Variants in GALK2 observed in about 807,000 individuals in gnomAD.
The protein encoded by GALK2 is galactokinase 2.
GALK2 carries 36 observed loss-of-function variants against 52.4 expected under a neutral mutation model. The observed-to-expected ratio is 0.69, with a 90% CI of 0.53 to 0.91. The LOEUF is 0.91. Among genes scored for constraint, GALK2 ranks in the 40% least tolerant of loss-of-function variants. GALK2 has a pLI of 0.00. For synonymous variants in GALK2, 176 were observed against 199.1 expected (o/e 0.88, Z 0.98); for missense variants, 579 against 559.1 (o/e 1.04, Z -0.36).
At chr15:49,217,115 C>T in intron 2 of GALK2, 75 bp from the exon 3 acceptor site, 17 of 1,342,372 alleles carry the variant, frequency 1.3e-5, no homozygotes, top group South Asian at 4.2e-5. Flanking sequence ...CAGTTTTTTC[C>T]TGTATGTAAA....
At chr15:49,253,849 T>G (rs77516875) in intron 5 of GALK2, among the ~76,000 whole-genome samples, 9,996 of 143,704 alleles carry the variant, frequency 0.07, 1,555 homozygotes, top group African/African-American at 0.16. Context: ...AGCATCATCA[T>G]CATCATCATC....
chr15:49,174,295 A>G (rs2085296554), intron 1 of GALK2, among the ~76,000 whole-genome samples: 2 of 152,086 alleles, frequency 1.3e-5, no homozygotes, highest in Non-Finnish European at 2.9e-5. Context: ...GCTCCTGTCA[A>G]ATGGCCCTGC....
Position 49,354,518 on chromosome 15 carries a change from T to C in GALK2, c.427-12973T>C, listed in dbSNP as rs572749394. On this transcript the variant is annotated intron_variant, in intron 3 of 3. Coordinates refer to the GALK2 transcript ENST00000558399. ...CCTGGAAAATCGTGTCACTCCCACC[T>C]GAATACTGCACTTTTCCGACCGGCT... 5.9e-5 allele frequency among the ~76,000 whole-genome samples: 9 copies of C among 152,330 alleles called. No individual in the cohort carries two copies. In the East Asian group the frequency reaches 1.4e-3, roughly 23 times the overall value.
chr15:49,361,798 T>G (rs1289349920), intron 3 of GALK2, among the ~76,000 whole-genome samples: 1 of 152,184 alleles, frequency 6.6e-6, no homozygotes, highest in Non-Finnish European at 1.5e-5. Context: ...TAATTCTGCT[T>G]TCAGTTCTTT....
At chr15:49,194,377 A>G (rs1404844140) in intron 1 of GALK2, among the ~76,000 whole-genome samples, 1 of 152,088 alleles carries the variant, frequency 6.6e-6, no homozygotes, top group African/African-American at 2.4e-5. Flanking sequence ...CCATCATCAT[A>G]TATTAAATTT....
Position 49,319,631 on chromosome 15 carries a change from CAAAGCATGTGTACAGCGAGGCT to C in GALK2, c.996_1017del (p.Lys333ArgfsTer24). The C allele has an allele frequency of 6.2e-7, 1 of 1,614,104 alleles. No individual in the cohort carries two copies. The highest frequency in any genetic ancestry group is 1.1e-5 in the South Asian group (1 of 91,066). ...CTCATCTTCAAACTCTATCAGCGGG[CAAAGCATGTGTACAGCGAGGCT>C]GCGCGAGTGCTCCAGTTTAAGAAGA... On this transcript the variant is annotated frameshift_variant, in exon 9 of 10. Coordinates refer to ENST00000560031, the MANE Select transcript of GALK2 (RefSeq NM_002044.4). LOFTEE classifies it high-confidence loss of function.
At chr15:49,225,779 G>C (rs900410613) in intron 3 of GALK2, among the ~76,000 whole-genome samples, 1 of 152,252 alleles carries the variant, frequency 6.6e-6, no homozygotes, top group Non-Finnish European at 1.5e-5. Flanking sequence ...GCCCTGAGCT[G>C]TTGGGACTGG....
intron 3 of GALK2, among the ~76,000 whole-genome samples, chr15:49,228,720 G>T (rs1424394758): frequency 3.3e-4 from 18 of 54,836 alleles, no homozygotes; most frequent in Non-Finnish European, 1.5e-4. Context: ...TTGCGATGGA[G>T]TCTCAATCTG....
At chr15:49,157,376 C>A (rs1418108869) in intron 1 of GALK2, among the ~76,000 whole-genome samples, 1 of 152,094 alleles carries the variant, frequency 6.6e-6, no homozygotes, top group Non-Finnish European at 1.5e-5. Context: ...TCAATAAAAT[C>A]TAATTAAAAT....
At chr15:49,337,419 C>T (rs908949281) in intron 3 of GALK2, among the ~76,000 whole-genome samples, 4 of 147,836 alleles carry the variant, frequency 2.7e-5, no homozygotes, top group East Asian at 2.0e-4. Flanking sequence ...TTGTGGTTTT[C>T]GTTTGCATTT....
intron 3 of GALK2, among the ~76,000 whole-genome samples, chr15:49,337,511 T>A (rs1367822968): frequency 7.2e-6 from 1 of 139,196 alleles, no homozygotes; most frequent in Admixed American, 7.0e-5. Context: ...TTACCCACTT[T>A]TTTTTTTTTT....
chr15:49,242,423 G>C (rs555293735), intron 5 of GALK2, among the ~76,000 whole-genome samples: 1 of 152,292 alleles, frequency 6.6e-6, no homozygotes, highest in African/African-American at 2.4e-5. Flanking sequence ...GGGAATAGTT[G>C]AGGGGAATTT....
At chr15:49,249,794 T>G (rs1944796375) in intron 5 of GALK2, among the ~76,000 whole-genome samples, 1 of 152,214 alleles carries the variant, frequency 6.6e-6, no homozygotes, top group African/African-American at 2.4e-5. Flanking sequence ...CTCCCACAAT[T>G]TAGCCTAAAT....
At position 49,201,170 on chromosome 15, in the gene GALK2, A is replaced by G. The variant is rs1256708797; in HGVS notation, c.62A>G (p.Lys21Arg). ...TGTACTTTTATTTTCAGGTTACTGA[A>G]GCTAAAGGAGATGTTTAACTCCAAG... is the stretch of plus-strand genomic sequence containing the variant. ...VQVAEHPRLL[K>R]LKEMFNSKFG... is the part of the protein sequence containing the mutation. The change falls in exon 2 of 10, where the codon AAG (lysine) becomes AGG (arginine). Residue 21 changes from lysine to arginine, a missense_variant. Transcript: ENST00000560031. 7 of 1,592,752 alleles carry G rather than the reference A, an allele frequency of 4.4e-6. No homozygotes were observed. The highest frequency in any genetic ancestry group is 6.0e-6 in the Non-Finnish European group (7 of 1,161,466).
chr15:49,340,591 C>T (rs562350051), intron 3 of GALK2, among the ~76,000 whole-genome samples: 75 of 152,204 alleles, frequency 4.9e-4, no homozygotes, highest in African/African-American at 1.7e-3. Flanking sequence ...AAAGTCCTTG[C>T]CCACTTTTTA....
At chr15:49,220,324 G>A (rs1481415764) in intron 3 of GALK2, among the ~76,000 whole-genome samples, 1 of 151,922 alleles carries the variant, frequency 6.6e-6, no homozygotes, top group Non-Finnish European at 1.5e-5. Context: ...CATGAGATCA[G>A]TTTTTTAAGT....
chr15:49,348,841 A>C (rs922226933), intron 3 of GALK2, among the ~76,000 whole-genome samples: 4 of 152,186 alleles, frequency 2.6e-5, no homozygotes, highest in Non-Finnish European at 4.4e-5. Context: ...CACTTAAACT[A>C]TTTGAAAATG....
chr15:49,259,798 C>T (rs936487709), intron 5 of GALK2, among the ~76,000 whole-genome samples: 1 of 144,434 alleles, frequency 6.9e-6, no homozygotes, highest in Non-Finnish European at 1.5e-5. Context: ...TCTCATTGTT[C>T]AATTCCCACC....
intron 8 of GALK2, 131 bp downstream of exon 8, chr15:49,292,668 A>G (rs1436857930): frequency 2.8e-6 from 2 of 703,932 alleles, no homozygotes; most frequent in Non-Finnish European, 4.7e-6. Context: ...TTAATTATTT[A>G]GAATCTTAGC....
Sources: gnomAD v4.1 joint callset for allele counts (sites outside exome capture counted in the v4.1 genomes callset) on GRCh38, gnomAD v4.1.1 for gene constraint, MANE v1.5 for transcripts, NCBI Gene and HGNC (gene_info 2026-07-23, HGNC 2026-07-21) for gene names.